GABRA5: variants seen among roughly 807,000 people sequenced by gnomAD.
GABRA5 encodes the protein gamma-aminobutyric acid type A receptor subunit alpha5, also known as gamma-aminobutyric acid receptor subunit alpha-5.
A neutral mutation model predicts 47.3 loss-of-function variants in GABRA5; 18 were observed. That is an observed-to-expected ratio of 0.38 (90% CI 0.26 to 0.56). GABRA5 has a LOEUF of 0.56. Among genes scored for constraint, GABRA5 ranks in the 20% least tolerant of loss-of-function variants. GABRA5 has a pLI of 0.71. For synonymous variants in GABRA5, 237 were observed against 229.3 expected (o/e 1.03, Z -0.30); for missense variants, 365 against 599.3 (o/e 0.61, Z 4.08).
At chr15:26,926,719 C>T (rs1331266991) in intron 7 of GABRA5, among the ~76,000 whole-genome samples, 1 of 152,002 alleles carries the variant, frequency 6.6e-6, no homozygotes, top group Non-Finnish European at 1.5e-5. Context: ...GAAAATTGTG[C>T]TTTTGATGTG....
At chr15:26,921,034 T>C (rs1303703440) in intron 7 of GABRA5, among the ~76,000 whole-genome samples, 1 of 152,250 alleles carries the variant, frequency 6.6e-6, no homozygotes, top group East Asian at 1.9e-4. Context: ...TAATTATTTT[T>C]ATATATTGTT....
chr15:26,885,216 G>A (rs1188743059), intron 6 of GABRA5, among the ~76,000 whole-genome samples: 8 of 151,458 alleles, frequency 5.3e-5, no homozygotes, highest in Non-Finnish European at 1.0e-4. Context: ...GGAAAATGGC[G>A]TGAACCTGGG....
intron 3 of GABRA5, among the ~76,000 whole-genome samples, chr15:26,875,710 G>A (rs1328904725): frequency 6.6e-6 from 1 of 152,064 alleles, no homozygotes; most frequent in Non-Finnish European, 1.5e-5. Context: ...AGGGAGCGTC[G>A]TCAGGGAGGA....
At chr15:26,895,942 G>A (rs774642104) in intron 6 of GABRA5, among the ~76,000 whole-genome samples, 1 of 151,770 alleles carries the variant, frequency 6.6e-6, no homozygotes, top group African/African-American at 2.4e-5. Flanking sequence ...GAGTCTCCCC[G>A]AGAGCTGGAC....
intron 6 of GABRA5, among the ~76,000 whole-genome samples, chr15:26,911,456 G>A (rs1893590912): frequency 6.6e-6 from 1 of 151,720 alleles, no homozygotes; most frequent in South Asian, 2.1e-4. Flanking sequence ...TTCCTTGTCA[G>A]AATGCCATCT....
intron 8 of GABRA5, chr15:26,939,086 G>A (rs1008134343): frequency 1.8e-5 from 12 of 659,544 alleles, no homozygotes; most frequent in African/African-American, 1.4e-4. Context: ...TCCACTCCTC[G>A]CAATTCAGCC....
intron 6 of GABRA5, among the ~76,000 whole-genome samples, chr15:26,908,497 T>G (rs1284059518): frequency 6.6e-6 from 1 of 152,194 alleles, no homozygotes; most frequent in Non-Finnish European, 1.5e-5. Flanking sequence ...AAACGCTGTG[T>G]CTCCAAACCC....
chr15:26,916,259 AT>A (rs1893714946), intron 7 of GABRA5, among the ~76,000 whole-genome samples: 2 of 152,118 alleles, frequency 1.3e-5, no homozygotes, highest in Admixed American at 1.3e-4. Context: ...CCAAGTATTA[AT>A]TTTTTTACAC....
At chr15:26,944,981 C>T (rs1342878782) in intron 10 of GABRA5, among the ~76,000 whole-genome samples, 2 of 152,142 alleles carry the variant, frequency 1.3e-5, no homozygotes, top group South Asian at 4.1e-4. Context: ...TCACCATGTC[C>T]GCCCTGCCTC....
chr15:26,898,440 C>T (rs1435721862), intron 6 of GABRA5, among the ~76,000 whole-genome samples: 8 of 152,156 alleles, frequency 5.3e-5, no homozygotes, highest in East Asian at 1.9e-4. Context: ...AAAGAGTCTG[C>T]GTTGTTAAAA....
At chr15:26,933,689 C>T (rs1894163308) in intron 7 of GABRA5, among the ~76,000 whole-genome samples, 1 of 152,138 alleles carries the variant, frequency 6.6e-6, no homozygotes, top group Admixed American at 6.5e-5. Flanking sequence ...TCACTGGTAC[C>T]TGGGCAGACG....
chr15:26,928,567 C>T (rs1250475880), intron 7 of GABRA5, among the ~76,000 whole-genome samples: 3 of 152,038 alleles, frequency 2.0e-5, no homozygotes, highest in Non-Finnish European at 4.4e-5. Context: ...GTGGGGGGTC[C>T]TCCTGCGTGG....
intron 6 of GABRA5, among the ~76,000 whole-genome samples, chr15:26,907,288 T>A (rs1427315533): frequency 6.6e-6 from 1 of 152,214 alleles, no homozygotes; most frequent in Non-Finnish European, 1.5e-5. Context: ...GTATTCTTAT[T>A]TGAAAGACTT....
intron 6 of GABRA5, among the ~76,000 whole-genome samples, chr15:26,906,314 A>C (rs1203405885): frequency 6.6e-6 from 1 of 152,200 alleles, no homozygotes; most frequent in African/African-American, 2.4e-5. Context: ...CCAAAACAAT[A>C]AAAGCCTCTC....
At chr15:26,909,234 G>A (rs1893520341) in intron 6 of GABRA5, among the ~76,000 whole-genome samples, 1 of 152,106 alleles carries the variant, frequency 6.6e-6, no homozygotes, top group Non-Finnish European at 1.5e-5. Flanking sequence ...TCCGCCATCA[G>A]ATTTCCTGCT....
chr15:26,920,191 T>G (rs919355759), intron 7 of GABRA5, among the ~76,000 whole-genome samples: 1 of 152,050 alleles, frequency 6.6e-6, no homozygotes, highest in African/African-American at 2.4e-5. Context: ...TTGTTGTTGT[T>G]GTTGTTGTTG....
At chr15:26,873,082 C>T (rs752229560) in intron 3 of GABRA5, among the ~76,000 whole-genome samples, 2 of 152,122 alleles carry the variant, frequency 1.3e-5, no homozygotes, top group Non-Finnish European at 2.9e-5. Context: ...CACTCAGCCC[C>T]GTGCTAAGGT....
intron 6 of GABRA5, among the ~76,000 whole-genome samples, chr15:26,895,826 A>AGAAG (rs1555390757): frequency 0.3 from 41,019 of 135,368 alleles, 7,374 homozygotes; most frequent in Middle Eastern, 0.42. Flanking sequence ...AAAAAAAAAA[A>AGAAG]AAGAAGAAGA....
intron 6 of GABRA5, among the ~76,000 whole-genome samples, chr15:26,901,383 G>A (rs1893323203): frequency 6.6e-6 from 1 of 152,072 alleles, no homozygotes; most frequent in South Asian, 2.1e-4. Flanking sequence ...TCTCAATGTT[G>A]CTTTAATTTG....
Sources: gnomAD v4.1 joint callset for allele counts (sites outside exome capture counted in the v4.1 genomes callset) on GRCh38, gnomAD v4.1.1 for gene constraint, MANE v1.5 for transcripts, NCBI Gene and HGNC (gene_info 2026-07-23, HGNC 2026-07-21) for gene names.